Variants in TSHZ2 observed in about 807,000 individuals in gnomAD.
TSHZ2 encodes the protein teashirt zinc finger homeobox 2.
TSHZ2 carries 21 observed loss-of-function variants against 74.4 expected under a neutral mutation model. That is an observed-to-expected ratio of 0.28 (90% CI 0.20 to 0.41). TSHZ2 has a LOEUF of 0.41. Ranked by LOEUF, TSHZ2 falls within the 10% of genes least tolerant of loss-of-function variation. The pLI is 1.00. For missense variants in TSHZ2, 1,244 were observed against 1,293.5 expected, an observed-to-expected ratio of 0.96 and a Z score of 0.59; for synonymous variants, 540 against 515.3, an observed-to-expected ratio of 1.05 and a Z score of -0.65.
intron 2 of TSHZ2, among the ~76,000 whole-genome samples, chr20:53,468,711 T>TAAAAAAAAAAA (rs923987940): frequency 9.0e-6 from 1 of 111,310 alleles, no homozygotes. Flanking sequence ...AAAAAAAAAC[T>TAAAAAAAAAAA]AAAAAAACTC....
intron 1 of TSHZ2, among the ~76,000 whole-genome samples, chr20:53,246,040 C>CT (rs57243805): frequency 0.017 from 2,269 of 130,600 alleles, 84 homozygotes; most frequent in African/African-American, 0.06. Context: ...TTCTTTCTTT[C>CT]TTTTTTTTTT....
chr20:53,346,361 C>T (rs576439805), intron 2 of TSHZ2, among the ~76,000 whole-genome samples: 2 of 152,154 alleles, frequency 1.3e-5, no homozygotes, highest in African/African-American at 4.8e-5. Flanking sequence ...TCAGGGTGCA[C>T]GACAGAAAAT....
Position 53,106,594 on chromosome 20 carries a change from T to C in TSHZ2, c.40+133261T>C, listed in dbSNP as rs188262324. 8.7e-3 allele frequency among the ~76,000 whole-genome samples: 1,300 copies of C among 148,650 alleles called. 11 individuals are homozygous for C. Among genetic ancestry groups the C allele is most frequent in the African/African-American group, 0.03 (1,226 of 40,294 alleles). ...TAATTTTTTGTATTTTTAGTAGAGATGGGGTTTCACCATGTTAGCCAGGAG... is the reference window on the plus strand; with the variant it reads ...TAATTTTTTGTATTTTTAGTAGAGACGGGGTTTCACCATGTTAGCCAGGAG... On this transcript the variant is annotated intron_variant, in intron 1 of 2. Transcript: ENST00000371497.
chr20:53,237,045 C>T (rs1401819661), intron 1 of TSHZ2, among the ~76,000 whole-genome samples: 1 of 152,168 alleles, frequency 6.6e-6, no homozygotes, highest in Non-Finnish European at 1.5e-5. Flanking sequence ...TTCTGGAAGC[C>T]TAAGATTCCT....
At chr20:53,323,148 C>T (rs1336504305) in intron 2 of TSHZ2, among the ~76,000 whole-genome samples, 5 of 152,166 alleles carry the variant, frequency 3.3e-5, no homozygotes, top group Non-Finnish European at 5.9e-5. Flanking sequence ...TTCTTTCCAG[C>T]TCTAAAATGT....
At chr20:53,267,537 T>C (rs1159238606) in intron 2 of TSHZ2, among the ~76,000 whole-genome samples, 9 of 152,188 alleles carry the variant, frequency 5.9e-5, no homozygotes, top group Non-Finnish European at 1.3e-4. Context: ...AGCCCCAGCC[T>C]CACAGTCCAT....
intron 1 of TSHZ2, among the ~76,000 whole-genome samples, chr20:53,210,712 C>T (rs528430635): frequency 5.9e-5 from 9 of 151,932 alleles, no homozygotes; most frequent in Non-Finnish European, 1.3e-4. Flanking sequence ...TTCAGGTCTT[C>T]AGGCTTGATG....
rs1374828809 is a variant in TSHZ2, at chr20:53,469,782, G to A, written c.*9-17362G>A. Reference sequence around the variant, plus strand: ...ATAGAGAGGGAGGAAGGGAGGGAGGGAGGGAGGAAGGAAGGAAGGAAGGAC... The same window carrying A: ...ATAGAGAGGGAGGAAGGGAGGGAGGAAGGGAGGAAGGAAGGAAGGAAGGAC... On this transcript the variant is annotated intron_variant, in intron 2 of 2. Transcript: ENST00000371497. Among the ~76,000 whole-genome samples the A allele has an allele frequency of 5.6e-5, 6 of 107,854 alleles. 1 individual carries two copies. The highest frequency in any genetic ancestry group is 3.5e-5 in the African/African-American group (1 of 28,446). The allele number at this position is 107,854 out of a possible 152,430, so 70.8% of individuals were successfully genotyped here. A position where few individuals can be genotyped will look rare whatever the true frequency, so the allele number is the denominator to read the frequency against.
At chr20:53,353,414 G>A (rs940432567) in intron 2 of TSHZ2, among the ~76,000 whole-genome samples, 1 of 152,082 alleles carries the variant, frequency 6.6e-6, no homozygotes, top group African/African-American at 2.4e-5. Flanking sequence ...TTAATTTTTG[G>A]TAAAAACTGA....
chr20:53,414,944 A>G (rs1247000757), intron 2 of TSHZ2, among the ~76,000 whole-genome samples: 2 of 152,092 alleles, frequency 1.3e-5, no homozygotes, highest in African/African-American at 2.4e-5. Flanking sequence ...CAGCTTCTTC[A>G]GGGTTTTTAG....
chr20:53,340,278 G>A (rs1370440836), intron 2 of TSHZ2, among the ~76,000 whole-genome samples: 1 of 134,378 alleles, frequency 7.4e-6, no homozygotes, highest in African/African-American at 2.8e-5. Flanking sequence ...CGCCTCCCAA[G>A]TTCACGTCAT....
intron 2 of TSHZ2, among the ~76,000 whole-genome samples, chr20:53,339,277 G>T (rs2145564505): frequency 6.6e-6 from 1 of 152,306 alleles, no homozygotes; most frequent in South Asian, 2.1e-4. Context: ...CAGGCCCTAT[G>T]CAGGGAGTGG....
chr20:53,381,430 A>G (rs1328981546), intron 2 of TSHZ2, among the ~76,000 whole-genome samples: 1 of 152,206 alleles, frequency 6.6e-6, no homozygotes, highest in African/African-American at 2.4e-5. Flanking sequence ...CAACGAAAAT[A>G]AATGGACTGC....
intron 1 of TSHZ2, among the ~76,000 whole-genome samples, chr20:53,096,711 G>T (rs979519391): frequency 6.6e-6 from 1 of 151,650 alleles, no homozygotes; most frequent in Non-Finnish European, 1.5e-5. Context: ...GGTGAAACTC[G>T]TCTCTACTAA....
At chr20:53,190,710 G>A (rs1054129425) in intron 1 of TSHZ2, among the ~76,000 whole-genome samples, 1 of 152,170 alleles carries the variant, frequency 6.6e-6, no homozygotes, top group Admixed American at 6.5e-5. Context: ...TGTATGTGAA[G>A]TTCAAAACCA....
chr20:53,450,617 G>A (rs6068547), intron 2 of TSHZ2, among the ~76,000 whole-genome samples: 49,885 of 152,060 alleles, frequency 0.33, 8,510 homozygotes, highest in Non-Finnish European at 0.35. Flanking sequence ...TCCACCTTCT[G>A]TGCTCAAGCA....
At chr20:53,464,512 G>C (rs968379480) in intron 2 of TSHZ2, among the ~76,000 whole-genome samples, 1 of 152,154 alleles carries the variant, frequency 6.6e-6, no homozygotes, top group Non-Finnish European at 1.5e-5. Flanking sequence ...GCGCAGGCTA[G>C]AGTGCAGTGG....
intron 1 of TSHZ2, among the ~76,000 whole-genome samples, chr20:53,214,011 T>A (rs1449864894): frequency 2.6e-5 from 4 of 152,208 alleles, no homozygotes; most frequent in Non-Finnish European, 5.9e-5. Context: ...CATACACAGA[T>A]AAACCATAGG....
At position 53,457,166 on chromosome 20, in the gene TSHZ2, G is replaced by A. The variant is rs1190675155; in HGVS notation, c.*9-29978G>A. On this transcript the variant is annotated intron_variant, in intron 2 of 2. Coordinates refer to ENST00000371497, the MANE Select transcript of TSHZ2 (RefSeq NM_173485.6). ...CCTTGGGCAGTATGGCCATTTTCACGATATTGATTCTTCCTACCCATGAGC... is the reference window on the plus strand; with the variant it reads ...CCTTGGGCAGTATGGCCATTTTCACAATATTGATTCTTCCTACCCATGAGC... 2.4e-4 allele frequency among the ~76,000 whole-genome samples: 34 copies of A among 140,386 alleles called. 2 individuals carry two copies. The highest frequency in any genetic ancestry group is 4.3e-4 in the Non-Finnish European group (28 of 65,746). The allele number at this position is 140,386 out of a possible 152,430, so 92.1% of individuals were successfully genotyped here.
Sources: allele counts gnomAD v4.1 joint callset (sites outside exome capture counted in the v4.1 genomes callset), GRCh38; gene constraint gnomAD v4.1.1; transcripts MANE v1.5; gene names NCBI Gene and HGNC (gene_info 2026-07-23, HGNC 2026-07-21).